The following NPAS2 variants were observed in gnomAD, a reference collection of about 807,000 sequenced individuals.
NPAS2 encodes neuronal PAS domain protein 2.
In NPAS2, 23 loss-of-function variants were observed where a neutral mutation model predicts 107.5. The observed-to-expected ratio is 0.21, with a 90% confidence interval of 0.15 to 0.30. The LOEUF (loss-of-function observed/expected upper bound fraction) is 0.30, where lower values mean the gene tolerates loss of function less well. Among genes scored for constraint, NPAS2 ranks in the 10% least tolerant of loss-of-function variants. The pLI is 1.00. For missense variants in NPAS2, 756 were observed against 1,043.3 expected, an observed-to-expected ratio of 0.72 and a Z score of 3.79; for synonymous variants, 403 against 417.5, an observed-to-expected ratio of 0.97 and a Z score of 0.42.
chr2:100,924,231 T>A (rs1209526323), intron 2 of NPAS2, among the ~76,000 whole-genome samples: 1 of 152,230 alleles, frequency 6.6e-6, no homozygotes, highest in Admixed American at 6.5e-5. Context: ...TTATAGCTGA[T>A]AAGCTTACAC....
At chr2:100,961,732 T>C (rs1334316731) in intron 7 of NPAS2, among the ~76,000 whole-genome samples, 1 of 152,208 alleles carries the variant, frequency 6.6e-6, no homozygotes, top group East Asian at 1.9e-4. Flanking sequence ...ACAATCTTTT[T>C]CTGTCCCCTT....
intron 2 of NPAS2, among the ~76,000 whole-genome samples, chr2:100,908,848 CAA>C (rs1682341191): frequency 6.6e-6 from 1 of 152,146 alleles, no homozygotes; most frequent in African/African-American, 2.4e-5. Flanking sequence ...TCATGAGAAT[CAA>C]AAGTGTCAGG....
At chr2:100,984,438 G>GTGA (rs1460162416) in intron 16 of NPAS2, 1 of 152,162 alleles carries the variant, frequency 6.6e-6, no homozygotes, top group South Asian at 2.1e-4. Flanking sequence ...AAGCCTAATG[G>GTGA]TGATGCCAAG....
chr2:100,854,043 G>A (rs1044420427), intron 1 of NPAS2, among the ~76,000 whole-genome samples: 1 of 151,270 alleles, frequency 6.6e-6, no homozygotes, highest in African/African-American at 2.4e-5. Context: ...TCAGTTACTC[G>A]GGAGGCTGAG....
intron 3 of NPAS2, among the ~76,000 whole-genome samples, chr2:100,926,429 G>T (rs356650): frequency 0.86 from 131,060 of 152,250 alleles, 56,564 homozygotes; most frequent in East Asian, 1. Flanking sequence ...CACATCCTTG[G>T]CAACACTTAT....
Position 100,935,230 on chromosome 2 carries a change from G to A in NPAS2, c.273+2229G>A, listed in dbSNP as rs1397198532. On this transcript the variant is annotated intron_variant, in intron 4 of 20. Transcript: ENST00000335681. The stretch of plus-strand genomic sequence containing the variant: ...GTGGCCTGCGGAATAGGGAGCTTGT[G>A]GAATTTCTGAATTTTAATCAGAAAA... The A allele has an allele frequency of 1.8e-5, 5 of 284,050 alleles. No homozygotes were observed. The East Asian group carries it at 7.0e-4, about 40-fold the overall frequency. The allele number at this position is 284,050 out of a possible 1,614,324, so 17.6% of individuals were successfully genotyped here.
At chr2:100,937,528 C>T (rs1684402623) in intron 4 of NPAS2, among the ~76,000 whole-genome samples, 1 of 152,224 alleles carries the variant, frequency 6.6e-6, no homozygotes, top group African/African-American at 2.4e-5. Context: ...TCACATTTTT[C>T]ACTGATCCTG....
At chr2:100,823,022 A>G (rs1264067868) in intron 1 of NPAS2, among the ~76,000 whole-genome samples, 1 of 152,154 alleles carries the variant, frequency 6.6e-6, no homozygotes, top group Non-Finnish European at 1.5e-5. Flanking sequence ...AGGGACTGTC[A>G]CATTTCATAT....
intron 3 of NPAS2, among the ~76,000 whole-genome samples, chr2:100,930,623 T>A (rs528833393): frequency 1.3e-4 from 7 of 53,310 alleles, no homozygotes; most frequent in African/African-American, 5.9e-4. Context: ...ATCTAACATA[T>A]TTTTTTAATA....
chr2:100,853,960 G>A (rs1187509397), intron 1 of NPAS2, among the ~76,000 whole-genome samples: 2 of 142,592 alleles, frequency 1.4e-5, no homozygotes, highest in Admixed American at 7.3e-5. Flanking sequence ...CAGGAAGATG[G>A]CTTCAGCCCA....
intron 1 of NPAS2, among the ~76,000 whole-genome samples, chr2:100,888,172 C>A (rs1170033131): frequency 1.3e-5 from 2 of 152,194 alleles, no homozygotes; most frequent in Admixed American, 1.3e-4. Flanking sequence ...GAACCAATGC[C>A]AGGCTTCTTT....
Position 100,864,812 on chromosome 2 carries a change from A to G in NPAS2, c.-22-39921A>G, listed in dbSNP as rs184329763. Among the ~76,000 whole-genome samples, 75 of 152,346 alleles carry G rather than the reference A, an allele frequency of 4.9e-4. 1 individual carries two copies. The highest frequency in any genetic ancestry group is 1.3e-4 in the Non-Finnish European group (9 of 68,022). ...TGAGAATCCCAAAGAGGTTTTGTTTATGTGGGTTTATCTATGAGTATTTAT... is the reference window on the plus strand; with the variant it reads ...TGAGAATCCCAAAGAGGTTTTGTTTGTGTGGGTTTATCTATGAGTATTTAT... On this transcript the variant is annotated intron_variant, in intron 1 of 20. Transcript: ENST00000335681.
At chr2:100,831,383 C>T (rs567895199) in intron 1 of NPAS2, among the ~76,000 whole-genome samples, 1 of 152,284 alleles carries the variant, frequency 6.6e-6, no homozygotes, top group Non-Finnish European at 1.5e-5. Context: ...ACATGGCATA[C>T]AGTATCATAA....
In NPAS2 at chr2:100,963,368, G is replaced by A. The variant is rs115565764; in HGVS notation, c.599-690G>A. Among the ~76,000 whole-genome samples, 1,145 of 151,470 alleles carry A rather than the reference G, an allele frequency of 7.6e-3. 11 individuals carry two copies. Among genetic ancestry groups the A allele is most frequent in the African/African-American group, 0.025 (1,025 of 40,806 alleles). On this transcript the variant is annotated intron_variant, in intron 7 of 20. Coordinates refer to ENST00000335681, the MANE Select transcript of NPAS2 (RefSeq NM_002518.4). ...AGTATTCAAACCGTTACTGCAGAAT[G>A]AGGCTGTCTTCTCTTTTTTTTGTTT...
At chr2:100,897,508 C>T (rs895014591) in intron 1 of NPAS2, among the ~76,000 whole-genome samples, 2 of 152,160 alleles carry the variant, frequency 1.3e-5, no homozygotes, top group Non-Finnish European at 2.9e-5. Flanking sequence ...CTCCACCTCC[C>T]CCTCACCAAA....
At chr2:100,822,185 C>T (rs1676110939) in intron 1 of NPAS2, among the ~76,000 whole-genome samples, 1 of 152,210 alleles carries the variant, frequency 6.6e-6, no homozygotes, top group South Asian at 2.1e-4. Context: ...GAAGGAAATA[C>T]GTTCTAGAGG....
chr2:100,850,759 C>T (rs1157796907), intron 1 of NPAS2, among the ~76,000 whole-genome samples: 2 of 151,664 alleles, frequency 1.3e-5, no homozygotes, highest in African/African-American at 4.8e-5. Context: ...TCGAGGCCAG[C>T]CTGGCCAACA....
At chr2:100,964,250 G>A (rs1676083626) in intron 8 of NPAS2, 74 bp downstream of exon 8, 2 of 1,010,568 alleles carry the variant, frequency 2.0e-6, no homozygotes, top group African/African-American at 1.6e-5. Context: ...GTAATTAATG[G>A]TCTTTTGGGA....
chr2:100,938,098 A>AT (rs1396665000), intron 5 of NPAS2, among the ~76,000 whole-genome samples: 2 of 152,140 alleles, frequency 1.3e-5, no homozygotes, highest in Non-Finnish European at 2.9e-5. Context: ...GTGGCTACAG[A>AT]TTCTTTTTCT....
Sources: gnomAD v4.1 joint callset for allele counts (sites outside exome capture counted in the v4.1 genomes callset) on GRCh38, gnomAD v4.1.1 for gene constraint, MANE v1.5 for transcripts, NCBI Gene and HGNC (gene_info 2026-07-23, HGNC 2026-07-21) for gene names.